Variants in CIB3 observed in about 807,000 individuals in gnomAD.
CIB3 encodes the protein calcium and integrin-binding family member 3.
A neutral mutation model predicts 23.4 loss-of-function variants in CIB3; 22 were observed. That is an observed-to-expected ratio of 0.94 (90% CI 0.67 to 1.34). The LOEUF (loss-of-function observed/expected upper bound fraction) is 1.34. Among genes scored for constraint, CIB3 ranks in the 40% most tolerant of loss-of-function variants. The pLI is 0.00. For synonymous variants in CIB3, 93 were observed against 95.8 expected, an observed-to-expected ratio of 0.97 and a Z score of 0.17; for missense variants, 258 against 247.3, an observed-to-expected ratio of 1.04 and a Z score of -0.29.
At chr19:16,173,396 C>T (rs1194062668) in intron 1 of CIB3, 29 bp downstream of exon 1, 5 of 1,608,440 alleles carry the variant, frequency 3.1e-6, no homozygotes, top group Admixed American at 3.3e-5. Context: ...TTGTCAAACC[C>T]ACTGAGGACC....
At chr19:16,167,993 G>A in intron 4 of CIB3, 144 bp downstream of exon 4, 1 of 996,594 alleles carries the variant, frequency 1.0e-6, no homozygotes, top group Non-Finnish European at 1.5e-6. Context: ...AAATGAGGTG[G>A]GGAGGCATTG....
rs138053470 is a variant in CIB3, at chr19:16,164,648, C to G, written c.542+70G>C. 2.2e-5 allele frequency: 31 copies of G among 1,387,344 alleles called. No individual in the cohort carries two copies. In the Middle Eastern group the frequency reaches 9.1e-4, roughly 41 times the overall value. 85.9% of individuals were successfully genotyped at this position (1,387,344 alleles called of 1,614,324 possible). Reference sequence around the variant, plus strand: ...ATAGAGGAATTTTCAGAAACAGAGTCTGTGAACTGTCTGCGTAAGAGCCCC... The same window carrying G: ...ATAGAGGAATTTTCAGAAACAGAGTGTGTGAACTGTCTGCGTAAGAGCCCC... On this transcript the variant is annotated intron_variant, in intron 5 of 5. Transcript: ENST00000269878.
At chr19:16,173,041 TACACACACACACACACACAC>T (rs3076227) in intron 2 of CIB3, 101 bp downstream of exon 2, 33 of 784,118 alleles carry the variant, frequency 4.2e-5, no homozygotes, top group African/African-American at 1.6e-4. Context: ...AAAGACTACT[TACACACACACACACACACAC>T]ACACACACAC....
intron 5 of CIB3, 53 bp from the exon 6 acceptor site, chr19:16,161,539 T>C: frequency 6.2e-7 from 1 of 1,600,248 alleles, no homozygotes; most frequent in Non-Finnish European, 8.6e-7. Flanking sequence ...ACAACCCCTT[T>C]TCCTCCTCCC....
chr19:16,168,333 T>C (rs2091314394), intron 3 of CIB3, 49 bp from the exon 4 acceptor site: 3 of 1,605,210 alleles, frequency 1.9e-6, no homozygotes, highest in Non-Finnish European at 2.6e-6. Flanking sequence ...CCCCAAGGTC[T>C]CTGGGGTCCA....
In CIB3 at chr19:16,173,508, C is replaced by A. The variant is rs755452323; in HGVS notation, c.-33G>T. 4.4e-6 allele frequency: 7 copies of A among 1,603,128 alleles called. No individual in the cohort carries two copies. In the East Asian group the frequency reaches 1.1e-4, roughly 26 times the overall value. ...ACCACAGCCCAGACTTGGGGATGCA[C>A]CCCAAAGGCTCCCAGCTTCCTCGGG... is the stretch of plus-strand genomic sequence containing the variant. On this transcript the variant is annotated 5_prime_UTR_variant, in exon 1 of 6. Transcript: ENST00000269878.
Position 16,168,269 on chromosome 19 carries a change from G to A in CIB3, c.214C>T (p.Gln72Ter), listed in dbSNP as rs1162360370. Residue 72 changes from glutamine (Q) to a stop codon, truncating the protein, a stop_gained, in exon 4 of 6, where the codon CAG becomes TAG. Coordinates refer to ENST00000269878, the MANE Select transcript of CIB3 (RefSeq NM_054113.4). LOFTEE classifies it high-confidence loss of function. The stretch of plus-strand genomic sequence containing the variant: ...TCAGAGAATACCTGGGCAATCCTCT[G>A]GCGGAAGGGGTTGTCCTGGGGACAG... The part of the protein sequence containing the change: ...MPELKDNPFR[Q>*]RIAQVFSEDG... The A allele has an allele frequency of 1.2e-6, 2 of 1,613,856 alleles. No individual in the cohort carries two copies. The highest frequency in any genetic ancestry group is 1.7e-4 in the Middle Eastern group (1 of 6,058).
intron 5 of CIB3, among the ~76,000 whole-genome samples, chr19:16,162,870 T>C (rs900700812): frequency 1.0e-5 from 1 of 97,542 alleles, no homozygotes; most frequent in Non-Finnish European, 2.4e-5. Flanking sequence ...ATTTTATTTC[T>C]TTTTTCTTTT....
rs150735955 is a variant in CIB3, at chr19:16,173,429, T to C, written c.47A>G (p.Tyr16Cys). The C allele has an allele frequency of 3.6e-5, 58 of 1,613,778 alleles. No homozygotes were observed. The highest frequency in any genetic ancestry group is 4.8e-5 in the Non-Finnish European group (57 of 1,179,820). The change falls in exon 1 of 6, where the codon TAT becomes TGT. Residue 16 changes from tyrosine (Y) to cysteine (C), a missense_variant. Coordinates refer to ENST00000269878, the MANE Select transcript of CIB3 (RefSeq NM_054113.4). ...ACCCATCCTGCCCCCCTCTACCTGA[T>C]ACGCTTCCAGCTGCTCGTGTGTGAA... is the stretch of plus-strand genomic sequence containing the variant. ...TVFTHEQLEA[Y>C]QDCTFFTRKE...
At chr19:16,168,428 G>A (rs1345967056) in intron 3 of CIB3, 144 bp from the exon 4 acceptor site, 2 of 1,208,390 alleles carry the variant, frequency 1.7e-6, no homozygotes, top group Admixed American at 2.8e-5. Flanking sequence ...TCCCTGGACA[G>A]GACTTTGGAC....
chr19:16,169,946 C>T (rs2091321354), intron 2 of CIB3, among the ~76,000 whole-genome samples: 1 of 152,176 alleles, frequency 6.6e-6, no homozygotes, highest in Non-Finnish European at 1.5e-5. Flanking sequence ...ATTACAGGCA[C>T]ACCCTGCCAC....
chr19:16,170,349 G>A (rs1222950595), intron 2 of CIB3, among the ~76,000 whole-genome samples: 2 of 152,206 alleles, frequency 1.3e-5, no homozygotes, highest in Non-Finnish European at 2.9e-5. Flanking sequence ...TTTGAAGCAT[G>A]AGTAGGAGCT....
In CIB3 at chr19:16,169,681, G is replaced by A; in HGVS notation, c.147C>T (p.Cys49=). The change falls in exon 3 of 6, where the codon TGC becomes TGT. Residue 49 remains cysteine (C), a synonymous_variant. Transcript: ENST00000269878. ...GCTCGTAGGGCACCTTCACATCGGG[G>A]CAGGTGGTATAGTCGAGGGGCACGA... The part of the protein sequence containing the change: ...PQLVPLDYTT[C]PDVKVPYELI... 1 of 1,613,900 alleles carries A rather than the reference G, an allele frequency of 6.2e-7. No homozygotes were observed. The highest frequency in any genetic ancestry group is 1.7e-4 in the Middle Eastern group (1 of 6,060).
At chr19:16,171,227 A>T (rs2091327087) in intron 2 of CIB3, among the ~76,000 whole-genome samples, 1 of 152,170 alleles carries the variant, frequency 6.6e-6, no homozygotes, top group South Asian at 2.1e-4. Flanking sequence ...AATGGGGCAG[A>T]GCAGAGACAA....
At chr19:16,168,322 C>A in intron 3 of CIB3, 38 bp from the exon 4 acceptor site, 1 of 1,609,878 alleles carries the variant, frequency 6.2e-7, no homozygotes, top group East Asian at 2.2e-5. Context: ...CATCCTCTGA[C>A]CCCCAAGGTC....
intron 4 of CIB3, among the ~76,000 whole-genome samples, chr19:16,167,475 G>T (rs1599435682): frequency 6.6e-6 from 1 of 152,234 alleles, no homozygotes; most frequent in East Asian, 1.9e-4. Context: ...AGAGAAATAG[G>T]ATGGTGGGAT....
At chr19:16,169,195 G>A (rs2091317782) in intron 3 of CIB3, among the ~76,000 whole-genome samples, 1 of 152,144 alleles carries the variant, frequency 6.6e-6, no homozygotes, top group Admixed American at 6.6e-5. Context: ...CCAGGCTGGA[G>A]TACTGTGGCT....
At chr19:16,173,236 T>TGGGGCCTCCTCCC (rs2091337864) in intron 1 of CIB3, 40 bp from the exon 2 acceptor site, 2 of 1,613,920 alleles carry the variant, frequency 1.2e-6, no homozygotes, top group East Asian at 4.5e-5. Flanking sequence ...ACCCTGCCTC[T>TGGGGCCTCCTCCC]GGGGCCTCCT....
At chr19:16,168,404 ACTCC>A in intron 3 of CIB3, 120 bp from the exon 4 acceptor site, 1 of 1,353,068 alleles carries the variant, frequency 7.4e-7, no homozygotes. Context: ...ATCAAGACCC[ACTCC>A]CTCCCATGGT....
Sources: allele counts gnomAD v4.1 joint callset (sites outside exome capture counted in the v4.1 genomes callset), GRCh38; gene constraint gnomAD v4.1.1; transcripts MANE v1.5; gene names NCBI Gene and HGNC (gene_info 2026-07-23, HGNC 2026-07-21).